TAFA2: variants seen among roughly 807,000 people sequenced by gnomAD.
The protein encoded by TAFA2 is TAFA chemokine like family member 2.
Under a neutral mutation model 18.8 loss-of-function variants are expected in TAFA2, and 7 were observed. The ratio of observed to expected loss-of-function variants is 0.37; its 90% CI spans 0.21 to 0.70. The LOEUF (loss-of-function observed/expected upper bound fraction) is 0.70, where lower values mean the gene tolerates loss of function less well. TAFA2 is among the 30% of genes least tolerant of loss of function. The pLI, the probability that TAFA2 is intolerant of heterozygous loss-of-function variation, is 0.53. For missense variants in TAFA2, 122 were observed against 158.1 expected, an observed-to-expected ratio of 0.77 and a Z score of 1.23; for synonymous variants, 60 against 54.2, an observed-to-expected ratio of 1.11 and a Z score of -0.47.
intron 2 of TAFA2, among the ~76,000 whole-genome samples, chr12:61,804,532 A>G (rs1871530848): frequency 6.6e-6 from 1 of 152,036 alleles, no homozygotes; most frequent in Admixed American, 6.6e-5. Context: ...GATTAGGTAA[A>G]GTTCAAAGCA....
At chr12:62,123,069 T>C (rs949600655) in intron 1 of TAFA2, among the ~76,000 whole-genome samples, 2 of 152,226 alleles carry the variant, frequency 1.3e-5, no homozygotes, top group Non-Finnish European at 2.9e-5. Flanking sequence ...ATTCACTTTA[T>C]GGACATTTTG....
At chr12:61,826,645 A>G (rs1407555564) in intron 2 of TAFA2, among the ~76,000 whole-genome samples, 1 of 152,016 alleles carries the variant, frequency 6.6e-6, no homozygotes, top group Non-Finnish European at 1.5e-5. Context: ...CCCAGTGACC[A>G]GAGTATCTCA....
intron 2 of TAFA2, among the ~76,000 whole-genome samples, chr12:61,848,848 C>CTT (rs552662679): frequency 7.1e-6 from 1 of 140,934 alleles, no homozygotes. Context: ...ATGGTAGGTA[C>CTT]TTTTTTTTTT....
intron 1 of TAFA2, among the ~76,000 whole-genome samples, chr12:62,017,482 T>G (rs1347740274): frequency 1.3e-5 from 2 of 152,166 alleles, no homozygotes; most frequent in East Asian, 3.8e-4. Flanking sequence ...TGACACAATT[T>G]TGGTCATTAA....
chr12:61,834,080 A>G (rs1322586823), intron 2 of TAFA2, among the ~76,000 whole-genome samples: 3 of 152,060 alleles, frequency 2.0e-5, no homozygotes, highest in African/African-American at 4.8e-5. Context: ...AGTAGTAACA[A>G]CTATTGCTTA....
chr12:62,255,601 G>A (rs973636188), intron 1 of TAFA2, among the ~76,000 whole-genome samples: 2 of 151,140 alleles, frequency 1.3e-5, no homozygotes, highest in African/African-American at 2.4e-5. Flanking sequence ...GCCTGTAATC[G>A]CAGCACTTTG....
intron 1 of TAFA2, among the ~76,000 whole-genome samples, chr12:62,036,827 A>T (rs1359536487): frequency 6.6e-6 from 1 of 152,232 alleles, no homozygotes; most frequent in African/African-American, 2.4e-5. Flanking sequence ...TTCTGTTTTT[A>T]GTAGAAGTCT....
chr12:61,967,275 G>T (rs1307789474), intron 1 of TAFA2, among the ~76,000 whole-genome samples: 1 of 151,756 alleles, frequency 6.6e-6, no homozygotes, highest in Non-Finnish European at 1.5e-5. Context: ...GGCTCAGTGG[G>T]GTTGCAGAGA....
chr12:61,926,710 G>A (rs1877309804), intron 1 of TAFA2, among the ~76,000 whole-genome samples: 1 of 152,102 alleles, frequency 6.6e-6, no homozygotes, highest in Non-Finnish European at 1.5e-5. Flanking sequence ...AATAATAAGA[G>A]CTATTTATAA....
intron 1 of TAFA2, among the ~76,000 whole-genome samples, chr12:62,080,290 C>T (rs1026513029): frequency 3.3e-5 from 5 of 152,216 alleles, no homozygotes; most frequent in Non-Finnish European, 7.3e-5. Context: ...TAAAAGCTTA[C>T]CTGATTCGGT....
At chr12:61,921,924 G>C (rs1877070308) in intron 1 of TAFA2, among the ~76,000 whole-genome samples, 1 of 152,154 alleles carries the variant, frequency 6.6e-6, no homozygotes. Flanking sequence ...TGTCCTTCAA[G>C]TCAAATAAAG....
chr12:62,095,039 T>C (rs1433257390), intron 1 of TAFA2, among the ~76,000 whole-genome samples: 5 of 152,116 alleles, frequency 3.3e-5, no homozygotes, highest in Non-Finnish European at 7.4e-5. Context: ...TTCCTGTTTA[T>C]CTAACCCCAG....
At chr12:62,014,404 G>A (rs1010835244) in intron 1 of TAFA2, among the ~76,000 whole-genome samples, 2 of 152,124 alleles carry the variant, frequency 1.3e-5, no homozygotes, top group South Asian at 2.1e-4. Flanking sequence ...CAAGGCGGGC[G>A]AATCGCTTGT....
chr12:61,872,052 A>G (rs1874630528), intron 1 of TAFA2, among the ~76,000 whole-genome samples: 1 of 136,778 alleles, frequency 7.3e-6, no homozygotes, highest in Non-Finnish European at 1.6e-5. Context: ...ATACTGCGCC[A>G]CCGCACTCCA....
At chr12:62,256,941 G>C (rs1016317983) in intron 1 of TAFA2, among the ~76,000 whole-genome samples, 1 of 152,042 alleles carries the variant, frequency 6.6e-6, no homozygotes, top group African/African-American at 2.4e-5. Context: ...AAGAATGAAA[G>C]GTTTAGAGAG....
chr12:61,941,593 C>T (rs924386487), intron 1 of TAFA2, among the ~76,000 whole-genome samples: 4 of 152,252 alleles, frequency 2.6e-5, no homozygotes, highest in Admixed American at 6.5e-5. Flanking sequence ...CCAGTGGGTG[C>T]GTGCACCGTG....
At chr12:61,765,521 G>A (rs959042750) in intron 2 of TAFA2, among the ~76,000 whole-genome samples, 1 of 152,050 alleles carries the variant, frequency 6.6e-6, no homozygotes, top group African/African-American at 2.4e-5. Flanking sequence ...CAGCTCAAGT[G>A]CTTCTTAAGG....
intron 4 of TAFA2, among the ~76,000 whole-genome samples, chr12:61,739,321 G>A (rs1868361048): frequency 6.6e-6 from 1 of 151,948 alleles, no homozygotes; most frequent in Admixed American, 6.6e-5. Flanking sequence ...TATGGTGGGT[G>A]AAATGGAGAA....
intron 1 of TAFA2, among the ~76,000 whole-genome samples, chr12:62,135,390 G>A (rs1870855045): frequency 6.6e-6 from 1 of 151,942 alleles, no homozygotes; most frequent in African/African-American, 2.4e-5. Flanking sequence ...TCAATAAATT[G>A]CACAGAACTC....
Sources: allele counts gnomAD v4.1 joint callset (sites outside exome capture counted in the v4.1 genomes callset), GRCh38; gene constraint gnomAD v4.1.1; transcripts MANE v1.5; gene names NCBI Gene and HGNC (gene_info 2026-07-23, HGNC 2026-07-21).